Variants in EIF3D observed in about 807,000 individuals in gnomAD.
EIF3D encodes eukaryotic translation initiation factor 3 subunit D.
Under a neutral mutation model 75.4 loss-of-function variants are expected in EIF3D, and 10 were observed. That is an observed-to-expected ratio of 0.13 (90% CI 0.08 to 0.22). The LOEUF (loss-of-function observed/expected upper bound fraction) is 0.22, where lower values mean the gene tolerates loss of function less well. Among genes scored for constraint, EIF3D ranks in the 10% least tolerant of loss-of-function variants. The pLI, the probability that EIF3D is intolerant of heterozygous loss-of-function variation, is 1.00. For synonymous variants in EIF3D, 246 were observed against 248.3 expected, an observed-to-expected ratio of 0.99 and a Z score of 0.09; for missense variants, 394 against 708.0, an observed-to-expected ratio of 0.56 and a Z score of 5.03.
intron 7 of EIF3D, among the ~76,000 whole-genome samples, chr22:36,519,823 G>T (rs978239474): frequency 6.6e-6 from 1 of 152,148 alleles, no homozygotes; most frequent in African/African-American, 2.4e-5. Flanking sequence ...ACCTGGGTAG[G>T]CTGACTTCTC....
rs1264568365 is a variant in EIF3D, at chr22:36,512,559, C to T, written c.1250G>A (p.Arg417Gln). The T allele has an allele frequency of 6.2e-7, 1 of 1,614,152 alleles. No individual in the cohort carries two copies. Among genetic ancestry groups the T allele is most frequent in the Non-Finnish European group, 8.5e-7 (1 of 1,180,018 alleles). ...VDWRQKLDSQ[R>Q]GAVIATELKN... ...CAGCTCCGTGGCAATGACAGCCCCT[C>T]GCTGAGAGTCCAGCTTCTGACGCCA... Residue 417 changes from arginine to glutamine, a missense_variant, in exon 13 of 15, where the codon CGA becomes CAA. Coordinates refer to ENST00000216190, the MANE Select transcript of EIF3D (RefSeq NM_003753.4).
chr22:36,527,566 C>T (rs1305441892), intron 1 of EIF3D, among the ~76,000 whole-genome samples: 2 of 152,198 alleles, frequency 1.3e-5, no homozygotes, highest in Non-Finnish European at 2.9e-5. Flanking sequence ...GGAGGCCGGG[C>T]GCGGTGGCTC....
At chr22:36,511,385 T>A in intron 14 of EIF3D, 118 bp downstream of exon 14, 1 of 1,526,982 alleles carries the variant, frequency 6.5e-7, no homozygotes, top group Non-Finnish European at 8.8e-7. Context: ...TTCTTCATAC[T>A]TAAGTCTCAG....
intron 12 of EIF3D, 186 bp from the exon 13 acceptor site, chr22:36,512,788 C>G: frequency 1.6e-6 from 1 of 626,328 alleles, no homozygotes; most frequent in Non-Finnish European, 2.7e-6. Flanking sequence ...GCACAGCAGT[C>G]ACTCAACGAC....
intron 3 of EIF3D, among the ~76,000 whole-genome samples, chr22:36,525,239 CTTTT>C (rs10709824): frequency 3.2e-5 from 3 of 93,920 alleles, no homozygotes; most frequent in African/African-American, 7.1e-5. Context: ...AGGGGTTTTA[CTTTT>C]TTTTTTTTTT....
intron 12 of EIF3D, among the ~76,000 whole-genome samples, chr22:36,513,885 A>G (rs978005855): frequency 1.2e-4 from 18 of 152,176 alleles, no homozygotes; most frequent in African/African-American, 4.3e-4. Context: ...TCTTCTCCCA[A>G]TCTGCACTGC....
chr22:36,511,090 G>T, intron 14 of EIF3D, 90 bp from the exon 15 acceptor site: 2 of 1,481,300 alleles, frequency 1.4e-6, no homozygotes, highest in South Asian at 1.3e-5. Flanking sequence ...GACTGTGCGT[G>T]AGTTTTCAAC....
intron 5 of EIF3D, 59 bp downstream of exon 5, chr22:36,523,836 G>T: frequency 6.6e-7 from 1 of 1,519,724 alleles, no homozygotes; most frequent in Non-Finnish European, 9.1e-7. Context: ...TGGTCCTGTG[G>T]TTTCCAAATA....
chr22:36,523,270 C>T lies in EIF3D; in HGVS notation c.404G>A (p.Arg135Gln), dbSNP rs1466704593. ...SAKQKERERIRLQKKFQKQFG... is the reference protein window; with the variant it reads ...SAKQKERERIQLQKKFQKQFG... ...TTGTTTCTGGAACTTTTTCTGCAGT[C>T]GAATGCGTTCTCTGGAAAGACAGAC... The change falls in exon 6 of 15, where the codon CGA becomes CAA. Residue 135 changes from arginine (R) to glutamine (Q), a missense_variant. Physicochemically the swap from Arg to Gln is conservative, Grantham distance 43. Coordinates refer to ENST00000216190, the MANE Select transcript of EIF3D (RefSeq NM_003753.4). 6 of 1,613,226 alleles carry T rather than the reference C, an allele frequency of 3.7e-6. No homozygotes were observed. The Admixed American group carries it at 5.0e-5, about 13-fold the overall frequency.
chr22:36,519,409 C>T lies in EIF3D; in HGVS notation c.707G>A (p.Arg236His), dbSNP rs1408439658. 1.2e-6 allele frequency: 2 copies of T among 1,614,130 alleles called. No individual in the cohort carries two copies. The highest frequency in any genetic ancestry group is 2.2e-5 in the East Asian group (1 of 44,882). ...TVTTTDDPVI[R>H]KLAKTQGNVF... Reference sequence around the variant, plus strand: ...GGGGCAGAAGGAGGCGCACACCTTGCGGATGACAGGGTCGTCTGTGGTGGT... The same window carrying T: ...GGGGCAGAAGGAGGCGCACACCTTGTGGATGACAGGGTCGTCTGTGGTGGT... The change falls in exon 8 of 15, where the codon CGC becomes CAC. Residue 236 changes from arginine to histidine, a missense_variant. Coordinates refer to ENST00000216190, the MANE Select transcript of EIF3D (RefSeq NM_003753.4).
intron 5 of EIF3D, 22 bp from the exon 6 acceptor site, chr22:36,523,303 C>A: frequency 1.2e-6 from 2 of 1,602,848 alleles, no homozygotes; most frequent in South Asian, 1.1e-5. Context: ...GACATATGAT[C>A]TCAGTGCAGA....
chr22:36,520,794 C>A, intron 6 of EIF3D, 106 bp from the exon 7 acceptor site: 6 of 690,938 alleles, frequency 8.7e-6, no homozygotes, highest in Non-Finnish European at 1.4e-5. Flanking sequence ...GTGGCTCATG[C>A]CTGTAGTCCC....
chr22:36,511,280 C>A, intron 14 of EIF3D: 1 of 935,696 alleles, frequency 1.1e-6, no homozygotes, highest in Non-Finnish European at 1.6e-6. Flanking sequence ...ACCTCTGCCA[C>A]AGTCCAGCCG....
chr22:36,517,509 G>C, intron 9 of EIF3D, 78 bp from the exon 10 acceptor site: 2 of 1,468,308 alleles, frequency 1.4e-6, no homozygotes, highest in Non-Finnish European at 1.8e-6. Flanking sequence ...GGGAGATGTG[G>C]AGAGGCAAAC....
intron 7 of EIF3D, among the ~76,000 whole-genome samples, chr22:36,519,994 C>G (rs932920540): frequency 6.6e-6 from 1 of 152,214 alleles, no homozygotes; most frequent in Non-Finnish European, 1.5e-5. Flanking sequence ...CTCTTTTGCT[C>G]AGGATGCCAG....
chr22:36,511,208 C>G lies in EIF3D; in HGVS notation c.1634-208G>C, dbSNP rs531374582. ...GAGACAACTTTCAGGCTATTTAACC[C>G]GGAGCGGAGCTTTTCCCTCTAGACC... is the stretch of plus-strand genomic sequence containing the variant. On this transcript the variant is annotated intron_variant, in intron 14 of 14. Coordinates refer to ENST00000216190, the MANE Select transcript of EIF3D (RefSeq NM_003753.4). 5 of 808,392 alleles carry G rather than the reference C, an allele frequency of 6.2e-6. No individual in the cohort carries two copies. In the Admixed American group the frequency reaches 1.5e-4, roughly 24 times the overall value. 50.1% of individuals were successfully genotyped at this position (808,392 alleles called of 1,614,324 possible).
chr22:36,516,523 T>G lies in EIF3D; in HGVS notation c.1161A>C (p.Glu387Asp), dbSNP rs773353912. 1 of 1,614,216 alleles carries G rather than the reference T, an allele frequency of 6.2e-7. No homozygotes were observed. Among genetic ancestry groups the G allele is most frequent in the South Asian group, 1.1e-5 (1 of 91,088 alleles). ...HDGVMTGANG[E>D]VSFINIKTLN... ...GTGTCTTGATGTTGATGAAGGACACTTCCCCGTTGGCTCCAGTCATGACGC... is the reference window on the plus strand; with the variant it reads ...GTGTCTTGATGTTGATGAAGGACACGTCCCCGTTGGCTCCAGTCATGACGC... Residue 387 changes from glutamate to aspartate, a missense_variant, in exon 12 of 15, where the codon GAA becomes GAC. By Grantham distance (45) the Glu-to-Asp change is conservative. Coordinates refer to ENST00000216190, the MANE Select transcript of EIF3D (RefSeq NM_003753.4).
rs1005324116 is a variant in EIF3D, at chr22:36,512,263, T to C, written c.1349+197A>G. On this transcript the variant is annotated intron_variant, in intron 13 of 14. Transcript: ENST00000216190. ...TCAGTTCTGGATTTCATTGACACCA[T>C]TGCCCTAGTTCAGGACTCCATTCAG... 1.6e-4 allele frequency among the ~76,000 whole-genome samples: 24 copies of C among 152,176 alleles called. 1 individual carries two copies. The highest frequency in any genetic ancestry group is 1.2e-4 in the Non-Finnish European group (8 of 68,032).
At chr22:36,512,716 T>C in intron 12 of EIF3D, 114 bp from the exon 13 acceptor site, 1 of 1,244,596 alleles carries the variant, frequency 8.0e-7, no homozygotes, top group South Asian at 1.5e-5. Flanking sequence ...AGTGGGTAGG[T>C]ACGCACTAAA....
Sources: allele counts gnomAD v4.1 joint callset (sites outside exome capture counted in the v4.1 genomes callset), GRCh38; gene constraint gnomAD v4.1.1; transcripts MANE v1.5; gene names NCBI Gene and HGNC (gene_info 2026-07-23, HGNC 2026-07-21).